MAPK8IP3: variants seen among roughly 807,000 people sequenced by gnomAD.
MAPK8IP3 encodes the protein mitogen-activated protein kinase 8 interacting protein 3.
A neutral mutation model predicts 157.8 loss-of-function variants in MAPK8IP3; 49 were observed. That is an observed-to-expected ratio of 0.31 (90% CI 0.25 to 0.39). MAPK8IP3 has a LOEUF of 0.39. Ranked by LOEUF, MAPK8IP3 falls within the 10% of genes least tolerant of loss-of-function variation. The pLI is 1.00. For missense variants in MAPK8IP3, 1,478 were observed against 1,889.4 expected, an observed-to-expected ratio of 0.78 and a Z score of 4.04; for synonymous variants, 897 against 777.7, an observed-to-expected ratio of 1.15 and a Z score of -2.55.
At chr16:1,748,574 C>T in intron 7 of MAPK8IP3, 28 bp from the exon 8 acceptor site, 1 of 1,581,360 alleles carries the variant, frequency 6.3e-7, no homozygotes. Flanking sequence ...TGACTCTGCT[C>T]TCTCTCCCGA....
chr16:1,719,665 CT>C (rs2038384879), intron 1 of MAPK8IP3, among the ~76,000 whole-genome samples: 1 of 91,254 alleles, frequency 1.1e-5, no homozygotes, highest in African/African-American at 6.0e-5. Flanking sequence ...GACCCCATCT[CT>C]ACAAAAAAAA....
In MAPK8IP3 at chr16:1,747,064, C is replaced by T. The variant is rs1364268129; in HGVS notation, c.783C>T (p.Ser261=). 3 of 1,613,400 alleles carry T rather than the reference C, an allele frequency of 1.9e-6. No individual in the cohort carries two copies. Among genetic ancestry groups the T allele is most frequent in the African/African-American group, 1.3e-5 (1 of 74,944 alleles). ...PQDEMSESGQ[S]SAAATPSTTG... is the part of the protein sequence containing the mutation. ...ATGAAATGTCCGAGTCAGGCCAGTCCTCGGCGGCCGCCACACCCAGCACCA... is the reference window on the plus strand; with the variant it reads ...ATGAAATGTCCGAGTCAGGCCAGTCTTCGGCGGCCGCCACACCCAGCACCA... Residue 261 remains serine, a synonymous_variant, in exon 6 of 32, where the codon TCC becomes TCT. Coordinates refer to ENST00000610761, the MANE Select transcript of MAPK8IP3 (RefSeq NM_001318852.2).
chr16:1,736,942 G>A (rs1435933599), intron 4 of MAPK8IP3, among the ~76,000 whole-genome samples: 1 of 72,274 alleles, frequency 1.4e-5, no homozygotes. Flanking sequence ...ATCCGTGACC[G>A]TCCATGTGAG....
At chr16:1,718,254 G>A (rs1044812687) in intron 1 of MAPK8IP3, among the ~76,000 whole-genome samples, 2 of 145,524 alleles carry the variant, frequency 1.4e-5, no homozygotes, top group African/African-American at 2.5e-5. Context: ...TCATGGCCTC[G>A]GCTCACTGCA....
rs746106588 is a variant in MAPK8IP3 at position 1,766,336 on chromosome 16, C to T, written c.2746C>T (p.Arg916Trp). 11 of 1,612,568 alleles carry T rather than the reference C, an allele frequency of 6.8e-6. No individual in the cohort carries two copies. The highest frequency in any genetic ancestry group is 1.1e-5 in the South Asian group (1 of 91,092). The change falls in exon 22 of 32, where the codon CGG becomes TGG. Residue 916 changes from arginine (R) to tryptophan (W), a missense_variant. By Grantham distance (101) the Arg-to-Trp change is moderately radical. Coordinates refer to ENST00000610761, the MANE Select transcript of MAPK8IP3 (RefSeq NM_001318852.2). ...CAGCGAGCCAGAGACAGCCACATTG[C>T]GGCCCGGGCCTCTCACAGAGCACGT... is the stretch of plus-strand genomic sequence containing the variant. ...GPSEPETATL[R>W]PGPLTEHVFT...
intron 2 of MAPK8IP3, among the ~76,000 whole-genome samples, chr16:1,725,810 G>A: frequency 6.6e-6 from 1 of 151,632 alleles, no homozygotes; most frequent in African/African-American, 2.4e-5. Context: ...TGATTCTCCT[G>A]CCTCAGCTTC....
At chr16:1,761,158 C>T (rs2041910710) in intron 12 of MAPK8IP3, 66 bp from the exon 13 acceptor site, 1 of 1,313,472 alleles carries the variant, frequency 7.6e-7, no homozygotes, top group Non-Finnish European at 1.1e-6. Context: ...GCGGGCACTG[C>T]CCGCTATGTG....
rs781573127 is a variant in MAPK8IP3 at position 1,729,539 on chromosome 16, G to C, written c.563G>C (p.Gly188Ala). 60 of 1,612,026 alleles carry C rather than the reference G, an allele frequency of 3.7e-5. No individual in the cohort carries two copies. Among genetic ancestry groups the C allele is most frequent in the Non-Finnish European group, 4.7e-5 (55 of 1,179,460 alleles). Residue 188 changes from glycine (G) to alanine (A), a missense_variant, in exon 4 of 32, where the codon GGA (glycine) becomes GCA (alanine). By Grantham distance (60) the Gly-to-Ala change is moderately conservative. Coordinates refer to ENST00000610761, the MANE Select transcript of MAPK8IP3 (RefSeq NM_001318852.2). The part of the protein sequence containing the change: ...HIERSKMQQV[G>A]GNSQTESSLP... ...GAGAGGTCCAAGATGCAGCAGGTCG[G>C]AGGAAACAGCCAGACCGAGAGCAGC...
chr16:1,743,284 CG>C lies in MAPK8IP3; in HGVS notation c.603-46del. On this transcript the variant is annotated intron_variant, in intron 4 of 31. Coordinates refer to ENST00000610761, the MANE Select transcript of MAPK8IP3 (RefSeq NM_001318852.2). This position sits in a 1 kb window ranked among gnomAD's most constrained non-coding sequence, Gnocchi z 5.6. ...CCTGGGAGGGCTTGGGAAATCTTCA[CG>C]GCCACCCTCTAACCATCGCTTCCTC... 3.4e-6 allele frequency: 5 copies of C among 1,487,846 alleles called. No homozygotes were observed. Among genetic ancestry groups the C allele is most frequent in the Non-Finnish European group, 4.4e-6 (5 of 1,124,400 alleles). 92.2% of individuals were successfully genotyped at this position (1,487,846 alleles called of 1,614,324 possible). A position where few individuals can be genotyped will look rare whatever the true frequency, so the allele number is the denominator to read the frequency against.
rs2042470143 is a variant in MAPK8IP3, at chr16:1,769,237, T to C, written c.*413T>C. 1 of 219,556 alleles carries C rather than the reference T, an allele frequency of 4.6e-6. No homozygotes were observed. The highest frequency in any genetic ancestry group is 6.2e-5 in the South Asian group (1 of 16,228). 13.6% of individuals were successfully genotyped at this position (219,556 alleles called of 1,614,324 possible). ...TGCCTGCCCTGGGCCCACCTCTGCA[T>C]GCTGCTCATGGGGCCACCCTGCCTC... On this transcript the variant is annotated 3_prime_UTR_variant, in exon 32 of 32. Coordinates refer to ENST00000610761, the MANE Select transcript of MAPK8IP3 (RefSeq NM_001318852.2).
chr16:1,721,666 C>G (rs1341230773), intron 1 of MAPK8IP3, among the ~76,000 whole-genome samples: 3 of 152,228 alleles, frequency 2.0e-5, no homozygotes, highest in Admixed American at 2.0e-4. Flanking sequence ...GCATCTAACT[C>G]CTGGAGTCAA....
chr16:1,761,167 T>C, intron 12 of MAPK8IP3, 57 bp from the exon 13 acceptor site: 2 of 1,396,904 alleles, frequency 1.4e-6, no homozygotes, highest in Non-Finnish European at 2.0e-6. Context: ...GCCCGCTATG[T>C]GTTCCCGAGG....
At chr16:1,728,400 C>T (rs893561880) in intron 2 of MAPK8IP3, among the ~76,000 whole-genome samples, 2 of 152,240 alleles carry the variant, frequency 1.3e-5, no homozygotes, top group Non-Finnish European at 2.9e-5. Flanking sequence ...AATCCCGCCT[C>T]CTCCCGCAAG....
At chr16:1,739,375 ACCGT>A (rs1393790019) in intron 4 of MAPK8IP3, among the ~76,000 whole-genome samples, 5 of 134,350 alleles carry the variant, frequency 3.7e-5, no homozygotes, top group Non-Finnish European at 6.2e-5. Flanking sequence ...CATCCGTGTG[ACCGT>A]CCGTGTGAGC....
intron 1 of MAPK8IP3, among the ~76,000 whole-genome samples, chr16:1,720,221 A>C (rs987597703): frequency 1.3e-5 from 2 of 152,110 alleles, no homozygotes; most frequent in African/African-American, 4.8e-5. Flanking sequence ...TTTTTAGTAG[A>C]GATGGGGTTT....
chr16:1,722,500 TC>T (rs1162203951), intron 1 of MAPK8IP3, among the ~76,000 whole-genome samples: 3 of 152,144 alleles, frequency 2.0e-5, no homozygotes, highest in Non-Finnish European at 4.4e-5. Flanking sequence ...CCATGGATCT[TC>T]CAGATCCCAA....
intron 11 of MAPK8IP3, 48 bp downstream of exon 11, chr16:1,760,063 G>T (rs773871749): frequency 1.9e-6 from 3 of 1,602,376 alleles, no homozygotes; most frequent in Admixed American, 1.7e-5. Context: ...AGCCCTCCTT[G>T]TCAGGGCTGG....
At chr16:1,707,478 T>A (rs567194412) in intron 1 of MAPK8IP3, 1 of 152,372 alleles carries the variant, frequency 6.6e-6, no homozygotes, top group South Asian at 2.1e-4. Flanking sequence ...CGTTTAATTC[T>A]GTGCTAGGAT....
intron 5 of MAPK8IP3, chr16:1,744,259 AGAG>A: frequency 1.0e-6 from 1 of 985,604 alleles, no homozygotes; most frequent in South Asian, 4.7e-5. Context: ...AGGGGCCGTC[AGAG>A]GATGTCCACA....
Sources: gnomAD v4.1 joint callset for allele counts (sites outside exome capture counted in the v4.1 genomes callset) on GRCh38, gnomAD v4.1.1 for gene constraint, Gnocchi (gnomAD v3.1) non-coding constraint, MANE v1.5 for transcripts, NCBI Gene and HGNC (gene_info 2026-07-23, HGNC 2026-07-21) for gene names.